The following TMPRSS11E variants were observed in gnomAD, a reference collection of about 807,000 sequenced individuals.
TMPRSS11E encodes the protein transmembrane protease serine 11E.
Under a neutral mutation model 48.1 loss-of-function variants are expected in TMPRSS11E, and 38 were observed. The observed-to-expected ratio is 0.79, with a 90% confidence interval of 0.61 to 1.04. TMPRSS11E has a LOEUF of 1.04. Ranked by LOEUF, TMPRSS11E falls within the 50% of genes least tolerant of loss-of-function variation. The probability of loss-of-function intolerance (pLI) is 0.00; values close to 1 mark genes in which losing one functional copy is unlikely to be tolerated. For missense variants in TMPRSS11E, 530 were observed against 510.8 expected (o/e 1.04, Z -0.36); for synonymous variants, 158 against 171.9 (o/e 0.92, Z 0.63).
chr4:68,462,577 G>A (rs536001521), intron 2 of TMPRSS11E, among the ~76,000 whole-genome samples: 5 of 108,928 alleles, frequency 4.6e-5, no homozygotes, highest in South Asian at 7.9e-4. Context: ...AGAGAGACTC[G>A]GTCTCAAAAA....
chr4:68,481,950 C>G (rs1376309003), intron 9 of TMPRSS11E, among the ~76,000 whole-genome samples: 3 of 152,078 alleles, frequency 2.0e-5, no homozygotes, highest in African/African-American at 4.8e-5. Context: ...CAAAAACAAA[C>G]AAACAAACTA....
intron 9 of TMPRSS11E, 151 bp downstream of exon 9, chr4:68,479,142 A>G: frequency 1.1e-6 from 1 of 893,608 alleles, no homozygotes; most frequent in Non-Finnish European, 1.7e-6. Context: ...ACATAACTAT[A>G]GTTCAATATA....
rs1329428712 is a variant in TMPRSS11E, at chr4:68,481,859, AG to A, written c.1110+2870del. 2.6e-5 allele frequency among the ~76,000 whole-genome samples: 4 copies of A among 152,232 alleles called. No individual in the cohort carries two copies. In the East Asian group the frequency reaches 7.7e-4, roughly 29 times the overall value. Reference sequence around the variant, plus strand: ...AGCTACTTGGAAATTATGAGGCAGGAGGATTGTTTGAACCCAAGAGGTCGAG... The same window carrying A: ...AGCTACTTGGAAATTATGAGGCAGGAGATTGTTTGAACCCAAGAGGTCGAG... On this transcript the variant is annotated intron_variant, in intron 9 of 9. Coordinates refer to ENST00000305363, the MANE Select transcript of TMPRSS11E (RefSeq NM_014058.4).
At chr4:68,452,288 T>C (rs1728519090) in intron 1 of TMPRSS11E, among the ~76,000 whole-genome samples, 7 of 151,950 alleles carry the variant, frequency 4.6e-5, no homozygotes, top group Admixed American at 4.6e-4. Context: ...TAAGCTTGTA[T>C]GAAAATATGT....
intron 9 of TMPRSS11E, among the ~76,000 whole-genome samples, chr4:68,479,268 A>G (rs904932834): frequency 6.6e-6 from 1 of 152,094 alleles, no homozygotes; most frequent in Non-Finnish European, 1.5e-5. Flanking sequence ...TTCTATCACC[A>G]CAAAGACCTA....
intron 6 of TMPRSS11E, 57 bp from the exon 7 acceptor site, chr4:68,476,204 G>A (rs1729209224): frequency 1.2e-6 from 2 of 1,608,804 alleles, no homozygotes; most frequent in Non-Finnish European, 1.7e-6. Context: ...AATTTGATGT[G>A]CAAAACAACT....
At chr4:68,472,603 A>G (rs905097962) in intron 5 of TMPRSS11E, among the ~76,000 whole-genome samples, 4 of 151,996 alleles carry the variant, frequency 2.6e-5, no homozygotes, top group Non-Finnish European at 5.9e-5. Context: ...ATAGGGGACA[A>G]GTAGAGAGAA....
intron 1 of TMPRSS11E, among the ~76,000 whole-genome samples, chr4:68,450,684 C>T (rs1728473365): frequency 6.6e-6 from 1 of 151,856 alleles, no homozygotes; most frequent in Non-Finnish European, 1.5e-5. Context: ...ATTTTACTTT[C>T]ATTTATAAGT....
chr4:68,449,120 G>GT (rs944117247), intron 1 of TMPRSS11E, among the ~76,000 whole-genome samples: 13 of 150,772 alleles, frequency 8.6e-5, no homozygotes, highest in African/African-American at 3.2e-4. Context: ...ATAAGAATCA[G>GT]TTTTTTTTTT....
At chr4:68,479,380 CAGT>C (rs1316909626) in intron 9 of TMPRSS11E, among the ~76,000 whole-genome samples, 8 of 151,814 alleles carry the variant, frequency 5.3e-5, no homozygotes, top group Non-Finnish European at 7.4e-5. Context: ...AATAGAGTAA[CAGT>C]AGCTTTTTAA....
At chr4:68,470,447 A>G (rs2109687022) in intron 4 of TMPRSS11E, among the ~76,000 whole-genome samples, 1 of 151,970 alleles carries the variant, frequency 6.6e-6, no homozygotes, top group Admixed American at 6.6e-5. Flanking sequence ...TTTGTCAACT[A>G]GGATACTTGG....
At chr4:68,459,804 A>G (rs1324219582) in intron 1 of TMPRSS11E, among the ~76,000 whole-genome samples, 1 of 152,202 alleles carries the variant, frequency 6.6e-6, no homozygotes, top group Non-Finnish European at 1.5e-5. Flanking sequence ...ATTAGTTGAG[A>G]AACCCTTCTC....
chr4:68,454,275 A>G (rs1165465361), intron 1 of TMPRSS11E, among the ~76,000 whole-genome samples: 3 of 151,864 alleles, frequency 2.0e-5, no homozygotes, highest in African/African-American at 4.8e-5. Context: ...GTATATAGAT[A>G]TGAATTAAAC....
At chr4:68,470,581 A>C (rs1234128329) in intron 4 of TMPRSS11E, among the ~76,000 whole-genome samples, 1 of 151,900 alleles carries the variant, frequency 6.6e-6, no homozygotes, top group Non-Finnish European at 1.5e-5. Context: ...GCTGTGCCAG[A>C]GAAGACAGAT....
At chr4:68,482,560 C>T (rs1729435849) in intron 9 of TMPRSS11E, among the ~76,000 whole-genome samples, 1 of 130,826 alleles carries the variant, frequency 7.6e-6, no homozygotes, top group African/African-American at 2.9e-5. Flanking sequence ...TTGAGACCAG[C>T]CTGGGTAATG....
intron 1 of TMPRSS11E, among the ~76,000 whole-genome samples, chr4:68,449,076 G>C (rs1447247667): frequency 6.6e-6 from 1 of 151,550 alleles, no homozygotes; most frequent in Non-Finnish European, 1.5e-5. Flanking sequence ...TTTTCAGTCA[G>C]ATTTCGGATA....
intron 8 of TMPRSS11E, among the ~76,000 whole-genome samples, chr4:68,478,209 G>A (rs974248274): frequency 9.9e-5 from 14 of 141,368 alleles, no homozygotes; most frequent in African/African-American, 3.7e-4. Context: ...AGGCAGAAGT[G>A]CAATGGTGCG....
At chr4:68,478,696 C>G (rs955823683) in intron 8 of TMPRSS11E, among the ~76,000 whole-genome samples, 153 bp from the exon 9 acceptor site, 1 of 152,064 alleles carries the variant, frequency 6.6e-6, no homozygotes, top group African/African-American at 2.4e-5. Context: ...TTCAAGCGAT[C>G]CTCCAATCTC....
intron 1 of TMPRSS11E, among the ~76,000 whole-genome samples, chr4:68,448,825 A>C (rs982579845): frequency 6.6e-6 from 1 of 151,890 alleles, no homozygotes; most frequent in Non-Finnish European, 1.5e-5. Context: ...GATGAAGCAC[A>C]TCTATGTTTG....
Sources: allele counts gnomAD v4.1 joint callset (sites outside exome capture counted in the v4.1 genomes callset), GRCh38; gene constraint gnomAD v4.1.1; transcripts MANE v1.5; gene names NCBI Gene and HGNC (gene_info 2026-07-23, HGNC 2026-07-21).